RARB: variants seen among roughly 807,000 people sequenced by gnomAD.
RARB encodes HBV-activated protein.
A neutral mutation model predicts 51.9 loss-of-function variants in RARB; 17 were observed. The observed-to-expected ratio is 0.33, with a 90% CI of 0.22 to 0.49. The LOEUF is 0.49. Among genes scored for constraint, RARB ranks in the 20% least tolerant of loss-of-function variants. The pLI is 0.99. For synonymous variants in RARB, 215 were observed against 195.4 expected (o/e 1.10, Z -0.84); for missense variants, 369 against 550.8 (o/e 0.67, Z 3.30).
chr3:25,537,816 T>A (rs1319542306), intron 3 of RARB, among the ~76,000 whole-genome samples: 11 of 152,156 alleles, frequency 7.2e-5, no homozygotes, highest in Admixed American at 7.2e-4. Context: ...CCCAGGGCCT[T>A]CTCCCAACCT....
intron 1 of RARB, among the ~76,000 whole-genome samples, chr3:24,857,475 T>G (rs958626248): frequency 2.0e-5 from 3 of 152,192 alleles, no homozygotes; most frequent in African/African-American, 7.2e-5. Context: ...CATAATTATG[T>G]CCCCAATACA....
chr3:24,945,672 C>T (rs1176638697), intron 2 of RARB, among the ~76,000 whole-genome samples: 2 of 152,214 alleles, frequency 1.3e-5, no homozygotes, highest in Non-Finnish European at 2.9e-5. Context: ...AAAGGGAATT[C>T]CCTTGGCACA....
chr3:25,195,475 G>T (rs1026841713), intron 5 of RARB, among the ~76,000 whole-genome samples: 1 of 151,986 alleles, frequency 6.6e-6, no homozygotes, highest in East Asian at 1.9e-4. Context: ...CGTGACGTCA[G>T]CTTGGAGATC....
chr3:25,358,108 A>G (rs1396125358), intron 5 of RARB, among the ~76,000 whole-genome samples: 2 of 152,214 alleles, frequency 1.3e-5, no homozygotes, highest in East Asian at 1.9e-4. Context: ...CTTCCTATCC[A>G]TGAGCATGGA....
intron 2 of RARB, among the ~76,000 whole-genome samples, chr3:25,489,125 A>G (rs1351901373): frequency 1.3e-5 from 2 of 152,248 alleles, no homozygotes; most frequent in African/African-American, 4.8e-5. Flanking sequence ...TTCATATAGC[A>G]TGGTGCTTAG....
At chr3:24,832,659 T>A (rs905153973) in intron 1 of RARB, among the ~76,000 whole-genome samples, 93 of 73,450 alleles carry the variant, frequency 1.3e-3, no homozygotes, top group African/African-American at 7.0e-3. Flanking sequence ...ATAATGTCAA[T>A]TAAAAATGAA....
chr3:24,934,118 G>A (rs975323525), intron 2 of RARB, among the ~76,000 whole-genome samples: 4 of 152,096 alleles, frequency 2.6e-5, no homozygotes, highest in African/African-American at 7.2e-5. Flanking sequence ...TTGCCAAGAG[G>A]TATTGCTGAG....
chr3:25,147,418 G>A (rs1190048460), intron 4 of RARB, among the ~76,000 whole-genome samples: 2 of 152,048 alleles, frequency 1.3e-5, no homozygotes, highest in African/African-American at 4.8e-5. Context: ...TGCTTAACAA[G>A]GTTACTTCTT....
chr3:24,884,988 G>C (rs986615219), intron 2 of RARB, among the ~76,000 whole-genome samples: 4 of 152,124 alleles, frequency 2.6e-5, no homozygotes, highest in African/African-American at 9.7e-5. Flanking sequence ...AGGCAGGATG[G>C]TGGCAGAACG....
intron 3 of RARB, among the ~76,000 whole-genome samples, chr3:25,521,011 T>C (rs1177978113): frequency 6.6e-6 from 1 of 152,048 alleles, no homozygotes; most frequent in African/African-American, 2.4e-5. Context: ...ATATCAAGAG[T>C]ATCAAAAAGC....
intron 2 of RARB, among the ~76,000 whole-genome samples, chr3:25,058,563 G>T (rs185561428): frequency 6.0e-5 from 9 of 150,794 alleles, no homozygotes; most frequent in African/African-American, 2.2e-4. Flanking sequence ...AATAAGTACA[G>T]TTATTACAAC....
intron 5 of RARB, among the ~76,000 whole-genome samples, chr3:25,420,998 A>AAAAAAAC (rs1707842352): frequency 2.6e-5 from 4 of 151,888 alleles, no homozygotes. Context: ...TGCCAAAAAA[A>AAAAAAAC]AAAAAAAAAA....
intron 5 of RARB, among the ~76,000 whole-genome samples, chr3:25,190,619 A>G (rs1215060674): frequency 6.6e-6 from 1 of 152,068 alleles, no homozygotes; most frequent in Non-Finnish European, 1.5e-5. Flanking sequence ...TGATTCCTTG[A>G]GGTGTGGTTA....
intron 2 of RARB, among the ~76,000 whole-genome samples, chr3:25,006,276 T>G (rs1166597034): frequency 6.6e-6 from 1 of 152,176 alleles, no homozygotes; most frequent in African/African-American, 2.4e-5. Context: ...AAAAACATTT[T>G]CTGTTTTGTT....
At chr3:25,561,941 T>G (rs17029657) in intron 3 of RARB, among the ~76,000 whole-genome samples, 35,478 of 152,134 alleles carry the variant, frequency 0.23, 4,572 homozygotes, top group East Asian at 0.4. Flanking sequence ...GATTCTGTTT[T>G]TGAAAGGCAG....
At chr3:25,369,819 G>A (rs537841945) in intron 5 of RARB, among the ~76,000 whole-genome samples, 1 of 152,308 alleles carries the variant, frequency 6.6e-6, no homozygotes, top group East Asian at 1.9e-4. Flanking sequence ...CTACTAGGGA[G>A]GCTGAGGCAG....
At chr3:25,380,166 CA>C (rs1706582386) in intron 5 of RARB, among the ~76,000 whole-genome samples, 2 of 152,150 alleles carry the variant, frequency 1.3e-5, no homozygotes, top group South Asian at 4.1e-4. Context: ...AAAGAATAAA[CA>C]GTGAAGGCTG....
intron 3 of RARB, among the ~76,000 whole-genome samples, chr3:25,094,743 G>GAAAAAAAAAAAAAAAAAA (rs1559464234): frequency 6.9e-5 from 6 of 86,950 alleles, no homozygotes; most frequent in Non-Finnish European, 1.4e-4. Flanking sequence ...AAAAAAAAAG[G>GAAAAAAAAAAAAAAAAAA]AAACTGCAAC....
chr3:24,883,195 A>T (rs1286363017), intron 2 of RARB, among the ~76,000 whole-genome samples: 2 of 152,236 alleles, frequency 1.3e-5, no homozygotes, highest in African/African-American at 4.8e-5. Context: ...TGAATTTTAA[A>T]GTTCCAACTG....
Sources: gnomAD v4.1 joint callset for allele counts (sites outside exome capture counted in the v4.1 genomes callset) on GRCh38, gnomAD v4.1.1 for gene constraint, MANE v1.5 for transcripts, NCBI Gene and HGNC (gene_info 2026-07-23, HGNC 2026-07-21) for gene names.